Variants in BRD1 observed in about 807,000 individuals in gnomAD.
The protein encoded by BRD1 is bromodomain containing 1.
A neutral mutation model predicts 107.7 loss-of-function variants in BRD1; 24 were observed. That is an observed-to-expected ratio of 0.22 (90% confidence interval 0.16 to 0.31). The LOEUF is 0.31. Ranked by LOEUF, BRD1 falls within the 10% of genes least tolerant of loss-of-function variation. The pLI, the probability that BRD1 is intolerant of heterozygous loss-of-function variation, is 1.00. For missense variants in BRD1, 1,279 were observed against 1,638.6 expected (o/e 0.78, Z 3.79); for synonymous variants, 744 against 686.1 (o/e 1.08, Z -1.32).
chr22:49,804,649 G>A (rs2059706021), intron 2 of BRD1, among the ~76,000 whole-genome samples: 1 of 152,182 alleles, frequency 6.6e-6, no homozygotes, highest in African/African-American at 2.4e-5. Flanking sequence ...AGGAGTTTGA[G>A]ACCAGCCTGG....
intron 7 of BRD1, among the ~76,000 whole-genome samples, chr22:49,791,878 A>C (rs1385298536): frequency 6.6e-6 from 1 of 152,146 alleles, no homozygotes; most frequent in Non-Finnish European, 1.5e-5. Flanking sequence ...CATTGTGAAC[A>C]TTGGGTGTAA....
chr22:49,804,912 T>C (rs1255841185), intron 2 of BRD1, among the ~76,000 whole-genome samples: 1 of 152,096 alleles, frequency 6.6e-6, no homozygotes, highest in Non-Finnish European at 1.5e-5. Context: ...ATTTATCAGA[T>C]TGAATATCCA....
intron 7 of BRD1, among the ~76,000 whole-genome samples, chr22:49,791,180 G>A (rs1377196120): frequency 2.0e-5 from 3 of 152,234 alleles, no homozygotes; most frequent in Non-Finnish European, 4.4e-5. Flanking sequence ...CGCAGCCCCG[G>A]GGAAGTCAGC....
chr22:49,787,326 T>G, intron 8 of BRD1, 64 bp downstream of exon 8: 2 of 708,166 alleles, frequency 2.8e-6, no homozygotes, highest in Non-Finnish European at 4.1e-6. Context: ...ACACCAATGA[T>G]CCTGAAGGAC....
In BRD1 at chr22:49,798,572, C is replaced by A; in HGVS notation, c.1771G>T (p.Val591Leu). The A allele has an allele frequency of 2.5e-6, 4 of 1,614,224 alleles. No homozygotes were observed. The highest frequency in any genetic ancestry group is 3.4e-6 in the Non-Finnish European group (4 of 1,180,050). The stretch of plus-strand genomic sequence containing the variant: ...CAAACACCCACCTCCTTCAGACTCA[C>A]GGGCTGCGCAAATATCCTGGCGGGG... Reference protein sequence around the residue: ...KDPARIFAQPVSLKEVPDYLD... With the variant: ...KDPARIFAQPLSLKEVPDYLD... Residue 591 changes from valine (V) to leucine (L), a missense_variant, in exon 5 of 13, where the codon GTG (valine) becomes TTG (leucine). By Grantham distance (32) the Val-to-Leu change is conservative. Transcript: ENST00000404760.
intron 2 of BRD1, chr22:49,806,021 A>G (rs948238596): frequency 2.6e-5 from 4 of 151,896 alleles, no homozygotes; most frequent in Non-Finnish European, 5.9e-5. Context: ...GATGACAGGC[A>G]TAAGCCACCG....
At position 49,787,553 on chromosome 22, in the gene BRD1, C is replaced by T. The variant is rs768557585; in HGVS notation, c.2694G>A (p.Lys898=). 7 of 1,597,458 alleles carry T rather than the reference C, an allele frequency of 4.4e-6. No individual in the cohort carries two copies. The highest frequency in any genetic ancestry group is 1.7e-5 in the Admixed American group (1 of 57,542). Reference sequence around the variant, plus strand: ...GAGAAGTTGGCTGGGTTTCAGTGTTCTTGGCAGACTTTGGGGGGCTTACAC... The same window carrying T: ...GAGAAGTTGGCTGGGTTTCAGTGTTTTTGGCAGACTTTGGGGGGCTTACAC... ...SKSVSPPKSA[K]NTETQPTSPQ... The change falls in exon 8 of 13, where the codon AAG becomes AAA. Residue 898 remains lysine, a synonymous_variant. Coordinates refer to ENST00000404760, the MANE Select transcript of BRD1 (RefSeq NM_001304808.3).
In BRD1 at chr22:49,787,557, G is replaced by A; in HGVS notation, c.2690C>T (p.Ala897Val). ...AGTTGGCTGGGTTTCAGTGTTCTTG[G>A]CAGACTTTGGGGGGCTTACACTTTT... ...KSKSVSPPKS[A>V]KNTETQPTSP... Residue 897 changes from alanine to valine, a missense_variant, in exon 8 of 13, where the codon GCC becomes GTC. Physicochemically the swap from Ala to Val is moderately conservative, Grantham distance 64. This residue lies in a region of BRD1 where 263 missense variants were observed against 251.6 expected (regional missense o/e 1.05). Transcript: ENST00000404760. The A allele has an allele frequency of 6.3e-7, 1 of 1,593,966 alleles. No individual in the cohort carries two copies. The highest frequency in any genetic ancestry group is 8.6e-7 in the Non-Finnish European group (1 of 1,169,562).
chr22:49,782,678 T>G (rs2059235512), intron 8 of BRD1, among the ~76,000 whole-genome samples: 1 of 147,200 alleles, frequency 6.8e-6, no homozygotes, highest in Admixed American at 6.8e-5. Flanking sequence ...ACAATGCAGC[T>G]GGGATGGTCA....
intron 2 of BRD1, among the ~76,000 whole-genome samples, chr22:49,808,182 G>A (rs1240179311): frequency 6.6e-6 from 1 of 152,162 alleles, no homozygotes; most frequent in Non-Finnish European, 1.5e-5. Context: ...CCACTTCCGG[G>A]TATACACCCA....
Position 49,774,124 on chromosome 22 carries a change from G to A in BRD1, c.*109C>T, listed in dbSNP as rs1258456581. Reference sequence around the variant, plus strand: ...AACCTCCCCCCTCCCCGGGGAAAAAGAATTAAAGAGCTATAACTAAAAATC... The same window carrying A: ...AACCTCCCCCCTCCCCGGGGAAAAAAAATTAAAGAGCTATAACTAAAAATC... On this transcript the variant is annotated 3_prime_UTR_variant, in exon 13 of 13. Coordinates refer to ENST00000404760, the MANE Select transcript of BRD1 (RefSeq NM_001304808.3). 2 of 1,376,240 alleles carry A rather than the reference G, an allele frequency of 1.5e-6. No homozygotes were observed. Among genetic ancestry groups the A allele is most frequent in the African/African-American group, 1.5e-5 (1 of 67,908 alleles). 85.3% of individuals were successfully genotyped at this position (1,376,240 alleles called of 1,614,324 possible).
Position 49,777,071 on chromosome 22 carries a change from C to T in BRD1, c.3084G>A (p.Glu1028=). 1 of 1,613,324 alleles carries T rather than the reference C, an allele frequency of 6.2e-7. No individual in the cohort carries two copies. Among genetic ancestry groups the T allele is most frequent in the Non-Finnish European group, 8.5e-7 (1 of 1,180,004 alleles). Residue 1028 remains glutamate, a synonymous_variant, in exon 10 of 13, where the codon GAG becomes GAA. Transcript: ENST00000404760. ...EDRSELISCI[E]NGNYAKAARI... is the part of the protein sequence containing the mutation. ...TGGCCGCCTTGGCGTAGTTCCCATTCTCGATGCAGGAGATCAGCTCACTGC... is the reference window on the plus strand; with the variant it reads ...TGGCCGCCTTGGCGTAGTTCCCATTTTCGATGCAGGAGATCAGCTCACTGC...
intron 7 of BRD1, among the ~76,000 whole-genome samples, chr22:49,791,235 G>A (rs930244753): frequency 1.3e-5 from 2 of 152,242 alleles, no homozygotes; most frequent in Admixed American, 6.5e-5. Flanking sequence ...CTCTGCACTC[G>A]GCAGACTGAG....
At position 49,803,182 on chromosome 22, in the gene BRD1, G is replaced by A. The variant is rs549965421; in HGVS notation, c.1524+1022C>T. 1.3e-5 allele frequency among the ~76,000 whole-genome samples: 2 copies of A among 152,358 alleles called. No homozygotes were observed. Among genetic ancestry groups the A allele is most frequent in the African/African-American group, 4.8e-5 (2 of 41,576 alleles). On this transcript the variant is annotated intron_variant, in intron 3 of 12. Coordinates refer to ENST00000404760, the MANE Select transcript of BRD1 (RefSeq NM_001304808.3). The surrounding 1 kb of genome is among the most constrained non-coding windows in gnomAD (Gnocchi z 4.4). ...CACAAGGCAGCCACGGCAGGTGACTGAACAGGGCTCACGCTGCAGAGGCAG... is the reference window on the plus strand; with the variant it reads ...CACAAGGCAGCCACGGCAGGTGACTAAACAGGGCTCACGCTGCAGAGGCAG...
intron 8 of BRD1, among the ~76,000 whole-genome samples, chr22:49,782,369 T>C (rs1300846902): frequency 1.3e-5 from 2 of 151,266 alleles, no homozygotes; most frequent in Non-Finnish European, 2.9e-5. Context: ...CCCATCTTGC[T>C]GGGACCCACT....
intron 2 of BRD1, among the ~76,000 whole-genome samples, chr22:49,822,704 C>T (rs1455143536): frequency 2.0e-5 from 3 of 151,648 alleles, no homozygotes; most frequent in Non-Finnish European, 2.9e-5. Flanking sequence ...AGTAAAACTC[C>T]GTCTCCAAAA....
chr22:49,807,112 C>G (rs1197974749), intron 2 of BRD1: 1 of 152,092 alleles, frequency 6.6e-6, no homozygotes, highest in African/African-American at 2.4e-5. Context: ...AGTCTACATG[C>G]TGACACATAA....
intron 9 of BRD1, 34 bp downstream of exon 9, chr22:49,777,644 T>C: frequency 6.3e-7 from 1 of 1,591,578 alleles, no homozygotes; most frequent in Non-Finnish European, 8.5e-7. Flanking sequence ...TGCTGGGAGC[T>C]GCGTGGTGGG....
chr22:49,784,289 G>A (rs1396876197), intron 8 of BRD1, among the ~76,000 whole-genome samples: 4 of 146,696 alleles, frequency 2.7e-5, no homozygotes, highest in Non-Finnish European at 4.5e-5. Flanking sequence ...AGGGGTCTCC[G>A]CAACGGCGGC....
Sources: allele counts gnomAD v4.1 joint callset (sites outside exome capture counted in the v4.1 genomes callset), GRCh38; gene constraint gnomAD v4.1.1; regional missense constraint gnomAD v4.1.1; non-coding constraint Gnocchi (gnomAD v3.1); transcripts MANE v1.5; gene names NCBI Gene and HGNC (gene_info 2026-07-23, HGNC 2026-07-21).